Variants in RBFOX1 observed in about 807,000 individuals in gnomAD.
RBFOX1 encodes the protein RNA binding protein fox-1 homolog 1.
In RBFOX1, 8 loss-of-function variants were observed where a neutral mutation model predicts 57.7. The observed-to-expected ratio is 0.14, with a 90% confidence interval of 0.08 to 0.25. The LOEUF (loss-of-function observed/expected upper bound fraction) is 0.25. Among genes scored for constraint, RBFOX1 ranks in the 10% least tolerant of loss-of-function variants. The pLI is 1.00. For synonymous variants in RBFOX1, 326 were observed against 222.4 expected (o/e 1.47, Z -4.15); for missense variants, 611 against 548.5 (o/e 1.11, Z -1.14).
chr16:6,051,067 G>A (rs6500739), intron 1 of RBFOX1, among the ~76,000 whole-genome samples: 135,707 of 148,620 alleles, frequency 0.91, 62,137 homozygotes, highest in African/African-American at 0.98. Flanking sequence ...CCATTTCCCC[G>A]AGGAGATCTG....
intron 14 of RBFOX1, among the ~76,000 whole-genome samples, chr16:7,678,880 A>G (rs1259434917): frequency 6.6e-6 from 1 of 152,210 alleles, no homozygotes; most frequent in Non-Finnish European, 1.5e-5. Context: ...GGATTGGTGA[A>G]TCTTTAATAA....
intron 3 of RBFOX1, among the ~76,000 whole-genome samples, chr16:6,846,947 G>A (rs1222029397): frequency 6.6e-6 from 1 of 151,780 alleles, no homozygotes; most frequent in Non-Finnish European, 1.5e-5. Context: ...GATGGCTACA[G>A]TTTTACCATG....
At chr16:5,982,796 T>C (rs904464934) in intron 4 of RBFOX1, among the ~76,000 whole-genome samples, 1 of 152,320 alleles carries the variant, frequency 6.6e-6, no homozygotes, top group Admixed American at 6.5e-5. Context: ...TTCCCATTTC[T>C]CTCTACTAGA....
At chr16:7,225,088 A>G (rs542873276) in intron 4 of RBFOX1, among the ~76,000 whole-genome samples, 2 of 152,304 alleles carry the variant, frequency 1.3e-5, no homozygotes, top group East Asian at 3.9e-4. Context: ...GTAGTATCCA[A>G]TATCAGGTGT....
At chr16:7,469,044 C>A (rs1011938556) in intron 4 of RBFOX1, among the ~76,000 whole-genome samples, 2 of 152,082 alleles carry the variant, frequency 1.3e-5, no homozygotes. Context: ...CACCATTTTC[C>A]TGCCTCAGCC....
chr16:6,618,603 AG>A (rs1284085103), intron 2 of RBFOX1, among the ~76,000 whole-genome samples: 1 of 152,224 alleles, frequency 6.6e-6, no homozygotes, highest in African/African-American at 2.4e-5. Flanking sequence ...ATCAGAATAC[AG>A]AAAGGTAAAA....
intron 5 of RBFOX1, among the ~76,000 whole-genome samples, chr16:7,528,973 G>A (rs1053847323): frequency 2.6e-5 from 4 of 152,134 alleles, no homozygotes; most frequent in Non-Finnish European, 5.9e-5. Flanking sequence ...GGTTGGAAAC[G>A]GAAGGCCAGG....
At chr16:6,991,768 C>G (rs371743873) in intron 3 of RBFOX1, among the ~76,000 whole-genome samples, 2 of 152,126 alleles carry the variant, frequency 1.3e-5, no homozygotes, top group Non-Finnish European at 2.9e-5. Flanking sequence ...AACTCCTGAG[C>G]CCAAGCAATC....
In RBFOX1 at chr16:6,674,994, C is replaced by G. The variant is rs1286332089; in HGVS notation, c.-16+20344C>G. Among the ~76,000 whole-genome samples, 3 of 152,144 alleles carry G rather than the reference C, an allele frequency of 2.0e-5. No individual in the cohort carries two copies. The East Asian group carries it at 5.8e-4, about 29-fold the overall frequency. On this transcript the variant is annotated intron_variant, in intron 3 of 15. Coordinates refer to ENST00000550418, the MANE Select transcript of RBFOX1 (RefSeq NM_018723.4). ...GATCTTGGCTCACTGCAACCTCTGC[C>G]TCCCAGGTTCAAGCCATTCTCGTGC...
At chr16:6,780,031 A>ATT (rs2080367517) in intron 3 of RBFOX1, among the ~76,000 whole-genome samples, 1 of 43,582 alleles carries the variant, frequency 2.3e-5, no homozygotes, top group Non-Finnish European at 3.5e-5. Flanking sequence ...ATATTTATAT[A>ATT]TATTTATATA....
chr16:6,310,232 G>T (rs1233946898), intron 1 of RBFOX1, among the ~76,000 whole-genome samples: 1 of 152,160 alleles, frequency 6.6e-6, no homozygotes, highest in Non-Finnish European at 1.5e-5. Flanking sequence ...CCTTGGAATA[G>T]CGGATACAAT....
intron 1 of RBFOX1, among the ~76,000 whole-genome samples, chr16:5,336,618 T>G (rs1344358952): frequency 1.3e-5 from 2 of 152,220 alleles, no homozygotes; most frequent in Non-Finnish European, 2.9e-5. Flanking sequence ...GCATCGTCTC[T>G]GAAGCAGGGT....
chr16:7,706,196 G>C (rs1031216320), intron 14 of RBFOX1, among the ~76,000 whole-genome samples: 1 of 152,168 alleles, frequency 6.6e-6, no homozygotes, highest in Admixed American at 6.5e-5. Context: ...TCAGAAATTA[G>C]CATTTGAAAA....
chr16:6,691,181 T>C (rs2060155124), intron 3 of RBFOX1, among the ~76,000 whole-genome samples: 1 of 152,174 alleles, frequency 6.6e-6, no homozygotes, highest in South Asian at 2.1e-4. Flanking sequence ...GTGTCTGCTA[T>C]TAGCTGTGGG....
intron 1 of RBFOX1, among the ~76,000 whole-genome samples, chr16:5,427,256 T>C (rs1322907846): frequency 6.6e-6 from 1 of 152,152 alleles, no homozygotes; most frequent in African/African-American, 2.4e-5. Flanking sequence ...TTTTAAGGAA[T>C]TGGCTCATGC....
At chr16:5,373,019 T>C (rs747228449) in intron 1 of RBFOX1, among the ~76,000 whole-genome samples, 30 of 152,204 alleles carry the variant, frequency 2.0e-4, no homozygotes, top group Non-Finnish European at 4.0e-4. Context: ...TCTTTCAGAA[T>C]TTAAAGAAAT....
chr16:7,302,986 C>T lies in RBFOX1; in HGVS notation c.28-215161C>T, dbSNP rs570064196. On this transcript the variant is annotated intron_variant, in intron 4 of 15. Transcript: ENST00000550418. ...TAAATAAACCATTGTAATTTGCTCCCTGCAGCCGACGGAGTAATCTCTTAT... is the reference window on the plus strand; with the variant it reads ...TAAATAAACCATTGTAATTTGCTCCTTGCAGCCGACGGAGTAATCTCTTAT... Among the ~76,000 whole-genome samples the T allele has an allele frequency of 7.5e-4, 115 of 152,318 alleles. 4 individuals carry two copies. The South Asian group carries it at 0.02, about 27-fold the overall frequency.
chr16:6,003,310 G>T (rs1262440801), intron 4 of RBFOX1, among the ~76,000 whole-genome samples: 1 of 151,214 alleles, frequency 6.6e-6, no homozygotes, highest in Non-Finnish European at 1.5e-5. Flanking sequence ...CAATGAGAGG[G>T]AAAGAGAAAA....
intron 4 of RBFOX1, among the ~76,000 whole-genome samples, chr16:7,287,378 G>T (rs369216178): frequency 1.3e-5 from 2 of 152,182 alleles, no homozygotes; most frequent in South Asian, 2.1e-4. Context: ...GAGAGCAGCA[G>T]TGTGCAGGAA....
Sources: gnomAD v4.1 joint callset for allele counts (sites outside exome capture counted in the v4.1 genomes callset) on GRCh38, gnomAD v4.1.1 for gene constraint, MANE v1.5 for transcripts, NCBI Gene and HGNC (gene_info 2026-07-23, HGNC 2026-07-21) for gene names.